SMARCAD1: variants seen among roughly 807,000 people sequenced by gnomAD.
SMARCAD1 encodes the protein SWI/SNF-related matrix-associated actin-dependent regulator of chromatin subfamily A containing DEAD/H box 1.
A neutral mutation model predicts 127.1 loss-of-function variants in SMARCAD1; 25 were observed. That is an observed-to-expected ratio of 0.20 (90% CI 0.14 to 0.27). SMARCAD1 has a LOEUF of 0.27. Ranked by LOEUF, SMARCAD1 falls within the 10% of genes least tolerant of loss-of-function variation. The pLI, the probability that SMARCAD1 is intolerant of heterozygous loss-of-function variation, is 1.00. For synonymous variants in SMARCAD1, 400 were observed against 396.9 expected, an observed-to-expected ratio of 1.01 and a Z score of -0.09; for missense variants, 807 against 1,206.0, an observed-to-expected ratio of 0.67 and a Z score of 4.90.
Position 94,280,782 on chromosome 4 carries a change from T to A in SMARCAD1, c.2607+2T>A. On this transcript the variant is annotated splice_donor_variant, in intron 20 of 23. Transcript: ENST00000354268. LOFTEE classifies it high-confidence loss of function. Reference sequence around the variant, plus strand: ...ATCTTGTCTGAATTGAAACAGAAGGTATTAAAAAAGAATGGCGTTTCTTTT... The same window carrying A: ...ATCTTGTCTGAATTGAAACAGAAGGAATTAAAAAAGAATGGCGTTTCTTTT... 1 of 1,613,236 alleles carries A rather than the reference T, an allele frequency of 6.2e-7. No individual in the cohort carries two copies. Among genetic ancestry groups the A allele is most frequent in the Non-Finnish European group, 8.5e-7 (1 of 1,179,608 alleles).
At chr4:94,235,216 G>C (rs1481465725) in intron 4 of SMARCAD1, among the ~76,000 whole-genome samples, 1 of 143,578 alleles carries the variant, frequency 7.0e-6, no homozygotes, top group African/African-American at 2.6e-5. Flanking sequence ...CCAGTCCCAG[G>C]CAACCACCAA....
intron 16 of SMARCAD1, 119 bp downstream of exon 16, chr4:94,277,278 T>C (rs183993947): frequency 2.1e-5 from 24 of 1,163,622 alleles, no homozygotes; most frequent in Middle Eastern, 5.3e-4. Flanking sequence ...TAACTTTAAG[T>C]AGGTGATAAC....
chr4:94,245,600 T>C (rs2125898546), intron 6 of SMARCAD1, among the ~76,000 whole-genome samples: 1 of 152,338 alleles, frequency 6.6e-6, no homozygotes, highest in East Asian at 1.9e-4. Flanking sequence ...AAAATTTCCA[T>C]TCATTTTCAG....
chr4:94,235,800 G>A (rs763824464), intron 4 of SMARCAD1, among the ~76,000 whole-genome samples: 2 of 151,888 alleles, frequency 1.3e-5, no homozygotes, highest in Non-Finnish European at 2.9e-5. Flanking sequence ...TCACTTGATT[G>A]CCAATTTTTA....
chr4:94,278,753 C>G lies in SMARCAD1; in HGVS notation c.2296+20C>G. The G allele has an allele frequency of 6.2e-7, 1 of 1,608,704 alleles. No individual in the cohort carries two copies. Among genetic ancestry groups the G allele is most frequent in the South Asian group, 1.1e-5 (1 of 90,946 alleles). ...ACTTGGGTATAATCTGATTTTTACT[C>G]TTTTATGTGAAAAAGAATCTTGTAC... On this transcript the variant is annotated intron_variant, in intron 18 of 23. Transcript: ENST00000354268.
At chr4:94,251,009 AC>A (rs1174986038) in intron 8 of SMARCAD1, among the ~76,000 whole-genome samples, 176 bp downstream of exon 8, 4 of 152,190 alleles carry the variant, frequency 2.6e-5, no homozygotes, top group Non-Finnish European at 5.9e-5. Flanking sequence ...AAATGTTTTG[AC>A]CTGCCTGTTC....
intron 3 of SMARCAD1, among the ~76,000 whole-genome samples, chr4:94,231,134 T>C (rs569338389): frequency 6.6e-6 from 1 of 152,320 alleles, no homozygotes; most frequent in East Asian, 1.9e-4. Flanking sequence ...ATCAGTCTAA[T>C]AAAATCTGTG....
intron 2 of SMARCAD1, among the ~76,000 whole-genome samples, chr4:94,213,854 A>C (rs1016284739): frequency 7.9e-5 from 12 of 152,188 alleles, no homozygotes; most frequent in African/African-American, 2.7e-4. Context: ...AGATGGTTGA[A>C]TATTAGAGCT....
chr4:94,262,937 A>G (rs1047954224), intron 9 of SMARCAD1, among the ~76,000 whole-genome samples: 11 of 52,898 alleles, frequency 2.1e-4, no homozygotes, highest in African/African-American at 5.2e-4. Flanking sequence ...TTGGTTACAG[A>G]AAAAAAAAAG....
At chr4:94,215,550 G>A (rs968123183) in intron 2 of SMARCAD1, among the ~76,000 whole-genome samples, 1 of 139,868 alleles carries the variant, frequency 7.1e-6, no homozygotes, top group Non-Finnish European at 1.5e-5. Context: ...GAGCCCAGGA[G>A]TTTGAGGTTA....
chr4:94,214,125 T>C (rs1742748820), intron 2 of SMARCAD1, among the ~76,000 whole-genome samples: 1 of 152,154 alleles, frequency 6.6e-6, no homozygotes, highest in Admixed American at 6.5e-5. Flanking sequence ...AAGTAACTAC[T>C]AACCTTTAAC....
intron 22 of SMARCAD1, among the ~76,000 whole-genome samples, 179 bp from the exon 23 acceptor site, chr4:94,284,781 G>A (rs1754695996): frequency 6.6e-6 from 1 of 151,952 alleles, no homozygotes; most frequent in Non-Finnish European, 1.5e-5. Context: ...TCCATCTGTA[G>A]GAGTGTCTAA....
chr4:94,269,102 C>T (rs577393391), intron 10 of SMARCAD1, among the ~76,000 whole-genome samples: 7 of 152,230 alleles, frequency 4.6e-5, no homozygotes, highest in African/African-American at 1.7e-4. Context: ...TTTCTCCTAC[C>T]TATACTTTTA....
chr4:94,287,363 A>G (rs1024024586), intron 23 of SMARCAD1, among the ~76,000 whole-genome samples: 3 of 152,180 alleles, frequency 2.0e-5, no homozygotes, highest in South Asian at 2.1e-4. Flanking sequence ...CTTTTCCTCT[A>G]TAAACAAAAA....
intron 20 of SMARCAD1, 76 bp downstream of exon 20, chr4:94,280,856 C>G: frequency 7.3e-7 from 1 of 1,378,918 alleles, no homozygotes; most frequent in African/African-American, 1.4e-5. Flanking sequence ...GGCACACTGA[C>G]TTGCTTGAAT....
At chr4:94,225,097 A>C (rs1329638749) in intron 2 of SMARCAD1, among the ~76,000 whole-genome samples, 6 of 152,214 alleles carry the variant, frequency 3.9e-5, no homozygotes, top group Admixed American at 2.0e-4. Context: ...TACCCCTTGG[A>C]GAGAAGAGAT....
chr4:94,241,054 A>G lies in SMARCAD1; in HGVS notation c.705+48A>G, dbSNP rs778593276. 3.0e-4 allele frequency: 407 copies of G among 1,334,622 alleles called. 2 individuals carry two copies. Among genetic ancestry groups the G allele is most frequent in the Non-Finnish European group, 3.9e-4 (365 of 932,016 alleles). 82.7% of individuals were successfully genotyped at this position (1,334,622 alleles called of 1,614,324 possible). The stretch of plus-strand genomic sequence containing the variant: ...GTATCAAAATTGGCTGCTTAAGGTT[A>G]GGATATGTGGAGTTTGTGGATATTA... On this transcript the variant is annotated intron_variant, in intron 6 of 23. Transcript: ENST00000354268.
chr4:94,226,286 G>C lies in SMARCAD1; in HGVS notation c.358G>C (p.Val120Leu), dbSNP rs1341387511. Residue 120 changes from valine to leucine, a missense_variant, in exon 3 of 24, where the codon GTG becomes CTG. Transcript: ENST00000354268. ...AGAGAAAACATTCAACAAAGATACA[G>C]TGATTATAGTGTAAGCTGATTAATA... ...VQEKTFNKDT[V>L]IIVSEPSEDE... 2 of 1,611,224 alleles carry C rather than the reference G, an allele frequency of 1.2e-6. No homozygotes were observed. The highest frequency in any genetic ancestry group is 1.3e-5 in the African/African-American group (1 of 74,754).
intron 10 of SMARCAD1, among the ~76,000 whole-genome samples, chr4:94,269,592 C>T (rs113125319): frequency 1.1e-4 from 16 of 151,570 alleles, no homozygotes; most frequent in Non-Finnish European, 1.6e-4. Context: ...GATATCTGTG[C>T]CTATGTATAA....
Sources: allele counts gnomAD v4.1 joint callset (sites outside exome capture counted in the v4.1 genomes callset), GRCh38; gene constraint gnomAD v4.1.1; transcripts MANE v1.5; gene names NCBI Gene and HGNC (gene_info 2026-07-23, HGNC 2026-07-21).